ROBO2: variants seen among roughly 807,000 people sequenced by gnomAD.
ROBO2 encodes the protein roundabout guidance receptor 2, also known as roundabout homolog 2.
A neutral mutation model predicts 160.8 loss-of-function variants in ROBO2; 53 were observed. The observed-to-expected ratio is 0.33, with a 90% CI of 0.26 to 0.41. The LOEUF (loss-of-function observed/expected upper bound fraction) is 0.41, where lower values mean the gene tolerates loss of function less well. Among genes scored for constraint, ROBO2 ranks in the 10% least tolerant of loss-of-function variants. The pLI is 1.00. For missense variants in ROBO2, 1,577 were observed against 1,722.4 expected (o/e 0.92, Z 1.49); for synonymous variants, 664 against 611.7 (o/e 1.09, Z -1.26).
chr3:76,389,624 A>G (rs187295409), intron 2 of ROBO2, among the ~76,000 whole-genome samples: 6 of 152,324 alleles, frequency 3.9e-5, no homozygotes, highest in Admixed American at 2.0e-4. Flanking sequence ...AAAAGTATCC[A>G]TAAAATACTT....
chr3:75,963,141 GTTTC>G (rs1948982651), intron 2 of ROBO2, among the ~76,000 whole-genome samples: 1 of 151,700 alleles, frequency 6.6e-6, no homozygotes, highest in Admixed American at 6.6e-5. Flanking sequence ...AGTTTTCTGA[GTTTC>G]TTTTAGTCTT....
chr3:76,219,352 G>A (rs1386858998), intron 2 of ROBO2, among the ~76,000 whole-genome samples: 1 of 152,182 alleles, frequency 6.6e-6, no homozygotes, highest in Non-Finnish European at 1.5e-5. Flanking sequence ...AAGAGCTTGT[G>A]CACAGCAAAA....
intron 2 of ROBO2, among the ~76,000 whole-genome samples, chr3:76,123,793 C>A (rs1250410615): frequency 6.6e-6 from 1 of 152,094 alleles, no homozygotes; most frequent in Middle Eastern, 3.2e-3. Flanking sequence ...CGTCTTACAC[C>A]TTTTCTTCCT....
At chr3:76,180,012 C>T (rs899466709) in intron 2 of ROBO2, among the ~76,000 whole-genome samples, 2 of 152,200 alleles carry the variant, frequency 1.3e-5, no homozygotes, top group East Asian at 3.9e-4. Flanking sequence ...GCCATTGCTT[C>T]TGCTGCTCCG....
At position 76,876,723 on chromosome 3, in the gene ROBO2, T is replaced by C. The variant is rs1324012411; in HGVS notation, c.110-221291T>C. Among the ~76,000 whole-genome samples the C allele has an allele frequency of 3.9e-5, 6 of 152,158 alleles. No homozygotes were observed. The South Asian group carries it at 1.0e-3, about 26-fold the overall frequency. On this transcript the variant is annotated intron_variant, in intron 2 of 26. Transcript: ENST00000487694. ...TGAAGGTTAATTGTGAGAATTTATA[T>C]ATTGCAAAGAAATACAGGGTTTACA...
At chr3:76,651,755 G>A (rs2091267881) in intron 2 of ROBO2, among the ~76,000 whole-genome samples, 1 of 151,988 alleles carries the variant, frequency 6.6e-6, no homozygotes, top group African/African-American at 2.4e-5. Context: ...TAACTACTTT[G>A]CTATTCACAT....
chr3:76,605,811 A>G (rs752122633), intron 2 of ROBO2, among the ~76,000 whole-genome samples: 5 of 152,062 alleles, frequency 3.3e-5, no homozygotes, highest in African/African-American at 7.3e-5. Context: ...TCCCCCCCTT[A>G]TTTGATAGGT....
intron 2 of ROBO2, among the ~76,000 whole-genome samples, chr3:76,170,307 C>T (rs2072995218): frequency 6.6e-6 from 1 of 152,028 alleles, no homozygotes; most frequent in African/African-American, 2.4e-5. Context: ...TAATCTTAGT[C>T]TTACATTCTG....
At chr3:76,193,791 AT>A (rs1702119586) in intron 2 of ROBO2, among the ~76,000 whole-genome samples, 1 of 152,228 alleles carries the variant, frequency 6.6e-6, no homozygotes, top group Admixed American at 6.5e-5. Context: ...CTTTATTCAG[AT>A]TATTAATTGA....
chr3:76,265,779 A>G (rs1007111780), intron 2 of ROBO2, among the ~76,000 whole-genome samples: 2 of 152,150 alleles, frequency 1.3e-5, no homozygotes, highest in African/African-American at 2.4e-5. Flanking sequence ...AAGAAATGCT[A>G]TTTGCATAAA....
At chr3:77,360,953 T>A (rs752894986) in intron 2 of ROBO2, among the ~76,000 whole-genome samples, 6 of 152,052 alleles carry the variant, frequency 3.9e-5, no homozygotes, top group African/African-American at 1.2e-4. Context: ...TTTTTCTTAA[T>A]TTGGTGATTT....
intron 2 of ROBO2, among the ~76,000 whole-genome samples, chr3:76,805,890 C>A (rs938659594): frequency 2.0e-5 from 3 of 151,914 alleles, no homozygotes; most frequent in Admixed American, 6.6e-5. Context: ...GAAAGAGCCC[C>A]AGTTGCTCTC....
intron 2 of ROBO2, among the ~76,000 whole-genome samples, chr3:76,053,313 A>C (rs1284959476): frequency 6.6e-6 from 1 of 152,074 alleles, no homozygotes; most frequent in African/African-American, 2.4e-5. Context: ...TGAGAAGTGC[A>C]ATGTTATTTC....
intron 2 of ROBO2, among the ~76,000 whole-genome samples, chr3:76,844,885 A>C (rs869230077): frequency 4.0e-5 from 6 of 151,866 alleles, no homozygotes; most frequent in Non-Finnish European, 8.8e-5. Flanking sequence ...TTAGATGAGT[A>C]TAAAGCAAAG....
chr3:77,376,343 A>T lies in ROBO2; in HGVS notation c.389-101071A>T, dbSNP rs534417257. 2.6e-5 allele frequency among the ~76,000 whole-genome samples: 4 copies of T among 151,788 alleles called. No individual in the cohort carries two copies. In the South Asian group the frequency reaches 6.3e-4, roughly 24 times the overall value. ...CTAATTTTTTTTGTATTTTTAGTAGAGACAGGGTTTCACCATGTTAGACAA... is the reference window on the plus strand; with the variant it reads ...CTAATTTTTTTTGTATTTTTAGTAGTGACAGGGTTTCACCATGTTAGACAA... On this transcript the variant is annotated intron_variant, in intron 2 of 25. Transcript: ENST00000461745.
intron 6 of ROBO2, among the ~76,000 whole-genome samples, chr3:77,531,400 A>AC (rs2091716841): frequency 1.7e-5 from 1 of 59,758 alleles, no homozygotes; most frequent in Non-Finnish European, 2.9e-5. Context: ...ATCTACAGGG[A>AC]CATTTTTTTT....
At chr3:76,951,748 C>A (rs2078968949) in intron 2 of ROBO2, among the ~76,000 whole-genome samples, 1 of 152,040 alleles carries the variant, frequency 6.6e-6, no homozygotes, top group Non-Finnish European at 1.5e-5. Flanking sequence ...ATGTTCTACC[C>A]CGCCATGAGA....
At chr3:76,708,294 A>T (rs1158223801) in intron 2 of ROBO2, among the ~76,000 whole-genome samples, 1 of 152,180 alleles carries the variant, frequency 6.6e-6, no homozygotes, top group Non-Finnish European at 1.5e-5. Flanking sequence ...AAGGTTGGAT[A>T]CCTATGAATT....
intron 20 of ROBO2, chr3:77,603,805 C>CT (rs2094475493): frequency 6.6e-6 from 1 of 152,148 alleles, no homozygotes; most frequent in Non-Finnish European, 1.5e-5. Context: ...TAGACACACT[C>CT]TAACTTTCAA....
Sources: gnomAD v4.1 joint callset for allele counts (sites outside exome capture counted in the v4.1 genomes callset) on GRCh38, gnomAD v4.1.1 for gene constraint, MANE v1.5 for transcripts, NCBI Gene and HGNC (gene_info 2026-07-23, HGNC 2026-07-21) for gene names.